Variants in KCNN2 observed in about 807,000 individuals in gnomAD.
KCNN2 encodes potassium calcium-activated channel subfamily N member 2, also known as small conductance calcium-activated potassium channel protein 2.
In KCNN2, 24 loss-of-function variants were observed where a neutral mutation model predicts 55.5. That is an observed-to-expected ratio of 0.43 (90% CI 0.31 to 0.61). The LOEUF (loss-of-function observed/expected upper bound fraction) is 0.61. Among genes scored for constraint, KCNN2 ranks in the 20% least tolerant of loss-of-function variants. KCNN2 has a pLI of 0.08. For missense variants in KCNN2, 754 were observed against 853.6 expected (o/e 0.88, Z 1.45); for synonymous variants, 431 against 336.1 (o/e 1.28, Z -3.09).
At chr5:114,182,777 G>T (rs1254604414) in intron 1 of KCNN2, among the ~76,000 whole-genome samples, 1 of 151,880 alleles carries the variant, frequency 6.6e-6, no homozygotes, top group Non-Finnish European at 1.5e-5. Context: ...ATATTCTATA[G>T]ATTTTTCTAT....
chr5:114,063,811 ATACTAAGCTAGTT>A (rs1360994810), intron 1 of KCNN2, among the ~76,000 whole-genome samples: 1 of 152,226 alleles, frequency 6.6e-6, no homozygotes, highest in Non-Finnish European at 1.5e-5. Context: ...CCTAAAAGGC[ATACTAAGCTAGTT>A]TACTATGGCA....
chr5:114,322,604 CAT>C (rs1221635910), intron 2 of KCNN2, among the ~76,000 whole-genome samples: 8 of 151,716 alleles, frequency 5.3e-5, no homozygotes, highest in Non-Finnish European at 8.8e-5. Flanking sequence ...CACACACACA[CAT>C]ACACACTTGA....
At chr5:114,198,114 G>A (rs566797205) in intron 1 of KCNN2, among the ~76,000 whole-genome samples, 1 of 151,880 alleles carries the variant, frequency 6.6e-6, no homozygotes, top group African/African-American at 2.4e-5. Context: ...TAAATAAATA[G>A]TTTATTCTCT....
intron 2 of KCNN2, among the ~76,000 whole-genome samples, chr5:114,378,318 C>A (rs542896061): frequency 2.0e-5 from 3 of 152,286 alleles, no homozygotes; most frequent in African/African-American, 7.2e-5. Context: ...CTTTCTGGTC[C>A]TTTACAGAAA....
At chr5:114,452,621 G>T (rs1049458102) in intron 3 of KCNN2, among the ~76,000 whole-genome samples, 1 of 152,072 alleles carries the variant, frequency 6.6e-6, no homozygotes, top group Admixed American at 6.6e-5. Context: ...ATCATCTGGG[G>T]AGCTTTTAAA....
intron 2 of KCNN2, among the ~76,000 whole-genome samples, chr5:114,310,125 T>C (rs1030105570): frequency 8.5e-5 from 13 of 152,324 alleles, no homozygotes; most frequent in Non-Finnish European, 1.6e-4. Flanking sequence ...AAATTCATAT[T>C]CTCTTCACCT....
At chr5:114,264,991 T>C (rs1309974050) in intron 2 of KCNN2, among the ~76,000 whole-genome samples, 1 of 152,248 alleles carries the variant, frequency 6.6e-6, no homozygotes, top group African/African-American at 2.4e-5. Flanking sequence ...TTTTTTGTTA[T>C]GTTATATGAA....
intron 2 of KCNN2, among the ~76,000 whole-genome samples, chr5:114,349,061 A>G (rs963962560): frequency 6.6e-6 from 1 of 152,014 alleles, no homozygotes; most frequent in African/African-American, 2.4e-5. Context: ...ACTTACTCTA[A>G]TTTGCTGCTC....
At chr5:114,202,645 G>T (rs1753698365) in intron 1 of KCNN2, among the ~76,000 whole-genome samples, 1 of 144,510 alleles carries the variant, frequency 6.9e-6, no homozygotes, top group Admixed American at 7.2e-5. Context: ...GGAGTGCAGT[G>T]GCGCGATCTC....
intron 1 of KCNN2, among the ~76,000 whole-genome samples, chr5:114,200,439 A>G (rs1753651205): frequency 1.3e-5 from 2 of 150,440 alleles, no homozygotes; most frequent in South Asian, 4.2e-4. Context: ...ATTTCTTTAT[A>G]TCGTTTTTCT....
At chr5:114,406,535 ATTTT>A (rs774280527) in intron 3 of KCNN2, among the ~76,000 whole-genome samples, 3 of 143,262 alleles carry the variant, frequency 2.1e-5, no homozygotes, top group South Asian at 2.2e-4. Context: ...TTCCTGCACA[ATTTT>A]TTTTTTTTTC....
chr5:114,303,222 C>T (rs535320235), intron 2 of KCNN2, among the ~76,000 whole-genome samples: 1 of 152,322 alleles, frequency 6.6e-6, no homozygotes, highest in East Asian at 1.9e-4. Context: ...AGACACTCTA[C>T]TTCGCGTTTT....
chr5:114,327,395 G>C (rs992397171), intron 2 of KCNN2, among the ~76,000 whole-genome samples: 1 of 152,200 alleles, frequency 6.6e-6, no homozygotes, highest in Non-Finnish European at 1.5e-5. Flanking sequence ...TAGACAATGG[G>C]ATTTGGATAA....
At chr5:114,097,935 AAAC>A (rs1208005248) in intron 1 of KCNN2, among the ~76,000 whole-genome samples, 6 of 152,188 alleles carry the variant, frequency 3.9e-5, no homozygotes, top group African/African-American at 7.2e-5. Flanking sequence ...TAGTAGTTTA[AAAC>A]AACATGTTTA....
At chr5:114,272,289 A>G (rs922958820) in intron 2 of KCNN2, among the ~76,000 whole-genome samples, 3 of 141,374 alleles carry the variant, frequency 2.1e-5, no homozygotes, top group Non-Finnish European at 4.4e-5. Context: ...ACACACACAT[A>G]TATGTATGTA....
chr5:114,391,009 A>G (rs889197188), intron 2 of KCNN2, among the ~76,000 whole-genome samples: 14 of 152,186 alleles, frequency 9.2e-5, no homozygotes, highest in Admixed American at 3.3e-4. Flanking sequence ...CTATCACTGC[A>G]TCCTGGTGGA....
At chr5:114,472,759 GT>G (rs1489811903) in intron 4 of KCNN2, among the ~76,000 whole-genome samples, 1 of 152,072 alleles carries the variant, frequency 6.6e-6, no homozygotes, top group African/African-American at 2.4e-5. Context: ...GACTTGCTCT[GT>G]TTTTTAAAAA....
chr5:114,286,025 T>G (rs1755741643), intron 2 of KCNN2, among the ~76,000 whole-genome samples: 2 of 151,966 alleles, frequency 1.3e-5, no homozygotes, highest in South Asian at 4.2e-4. Flanking sequence ...GTTCAAGCGA[T>G]TATCCTGTCT....
chr5:114,056,981 T>A (rs1300358534), intron 1 of KCNN2: 2 of 152,254 alleles, frequency 1.3e-5, no homozygotes, highest in African/African-American at 4.8e-5. Context: ...GATTTGGTTT[T>A]GTTGAGCACC....
Sources: gnomAD v4.1 joint callset for allele counts (sites outside exome capture counted in the v4.1 genomes callset) on GRCh38, gnomAD v4.1.1 for gene constraint, MANE v1.5 for transcripts, NCBI Gene and HGNC (gene_info 2026-07-23, HGNC 2026-07-21) for gene names.